Variants in ZNF736 observed in about 807,000 individuals in gnomAD.
ZNF736 encodes KRAB-containing zinc-finger repressor protein.
A neutral mutation model predicts 11.7 loss-of-function variants in ZNF736; 6 were observed. That is an observed-to-expected ratio of 0.51 (90% confidence interval 0.28 to 1.01). The LOEUF (loss-of-function observed/expected upper bound fraction) is 1.01, where lower values mean the gene tolerates loss of function less well. Ranked by LOEUF, ZNF736 falls within the 50% of genes least tolerant of loss-of-function variation. ZNF736 has a pLI of 0.09. For synonymous variants in ZNF736, 139 were observed against 164.7 expected (o/e 0.84, Z 1.19); for missense variants, 444 against 496.0 (o/e 0.90, Z 1.00).
At position 64,353,991 on chromosome 7, in the gene ZNF736, T is replaced by C. The variant is rs551848458; in HGVS notation, c.*4844T>C. The C allele has an allele frequency of 1.3e-5, 2 of 152,330 alleles. No homozygotes were observed. The highest frequency in any genetic ancestry group is 3.9e-4 in the East Asian group (2 of 5,182). 9.4% of individuals were successfully genotyped at this position (152,330 alleles called of 1,614,324 possible). A position where few individuals can be genotyped will look rare whatever the true frequency, so the allele number is the denominator to read the frequency against. ...ACTTATCCCATCTTACCCAAGGTTG[T>C]AGGTAACAATATACTATTGGGTGAC... On this transcript the variant is annotated 3_prime_UTR_variant, in exon 4 of 4. Coordinates refer to ENST00000423484, the MANE Select transcript of ZNF736 (RefSeq NM_001170905.3).
At position 64,354,007 on chromosome 7, in the gene ZNF736, A is replaced by G. The variant is rs898366913; in HGVS notation, c.*4860A>G. On this transcript the variant is annotated 3_prime_UTR_variant, in exon 4 of 4. Transcript: ENST00000423484. Reference sequence around the variant, plus strand: ...CCAAGGTTGTAGGTAACAATATACTATTGGGTGACAGTGGACTAACATCTC... The same window carrying G: ...CCAAGGTTGTAGGTAACAATATACTGTTGGGTGACAGTGGACTAACATCTC... The G allele has an allele frequency of 2.0e-5, 3 of 152,182 alleles. No homozygotes were observed. Among genetic ancestry groups the G allele is most frequent in the Admixed American group, 6.5e-5 (1 of 15,280 alleles). 9.4% of individuals were successfully genotyped at this position (152,182 alleles called of 1,614,324 possible).
At chr7:64,332,021 C>T (rs749239020) in intron 1 of ZNF736, among the ~76,000 whole-genome samples, 37 of 150,906 alleles carry the variant, frequency 2.5e-4, no homozygotes, top group Admixed American at 2.3e-3. Flanking sequence ...GAGTTTTGCT[C>T]ATGCTTCAAA....
At chr7:64,333,301 A>G (rs529513562) in intron 1 of ZNF736, among the ~76,000 whole-genome samples, 69 of 152,292 alleles carry the variant, frequency 4.5e-4, no homozygotes, top group African/African-American at 1.6e-3. Context: ...TTTTCCTTAT[A>G]TACCAGAGCC....
chr7:64,343,958 T>TTA lies in ZNF736; in HGVS notation c.227-4131_227-4130insAT, dbSNP rs201100825. 6.0e-3 allele frequency among the ~76,000 whole-genome samples: 912 copies of TTA among 152,032 alleles called. 13 individuals are homozygous for TTA. Among genetic ancestry groups the TTA allele is most frequent in the African/African-American group, 0.02 (844 of 41,398 alleles). ...TTTTATGACTTGTATATTTGCTTTT[T>TTA]TTTTTTTTATTTTTTTGTTAGTAGT... On this transcript the variant is annotated intron_variant, in intron 3 of 3. Coordinates refer to ENST00000423484, the MANE Select transcript of ZNF736 (RefSeq NM_001170905.3).
In ZNF736 at chr7:64,349,220, T is replaced by C; in HGVS notation, c.*73T>C. 8.1e-7 allele frequency: 1 copy of C among 1,239,006 alleles called. No individual in the cohort carries two copies. Among genetic ancestry groups the C allele is most frequent in the Non-Finnish European group, 1.1e-6 (1 of 917,082 alleles). 76.8% of individuals were successfully genotyped at this position (1,239,006 alleles called of 1,614,324 possible). A position where few individuals can be genotyped will look rare whatever the true frequency, so the allele number is the denominator to read the frequency against. ...GAAATTTAATACTGAACAAATGCAG[T>C]ATAAATGTAATGACAGTGGAAGAAC... On this transcript the variant is annotated 3_prime_UTR_variant, in exon 4 of 4. Transcript: ENST00000423484.
At chr7:64,342,974 C>T (rs950116215) in intron 3 of ZNF736, among the ~76,000 whole-genome samples, 1 of 151,834 alleles carries the variant, frequency 6.6e-6, no homozygotes, top group African/African-American at 2.4e-5. Flanking sequence ...ACATTTTGTG[C>T]AAAAATAGCA....
In ZNF736 at chr7:64,354,662, A is replaced by G. The variant is rs181732159; in HGVS notation, c.*5515A>G. ...CAGAGATTATGAAAGTGACTTTGAT[A>G]AAATTTAATGGTGTTCACAAAATAA... On this transcript the variant is annotated 3_prime_UTR_variant, in exon 4 of 4. Transcript: ENST00000423484. 1.2e-4 allele frequency: 19 copies of G among 152,336 alleles called. No individual in the cohort carries two copies. 9.4% of individuals were successfully genotyped at this position (152,336 alleles called of 1,614,324 possible).
rs1181086852 is a variant in ZNF736 at position 64,352,219 on chromosome 7, G to A, written c.*3072G>A. The A allele has an allele frequency of 6.6e-6, 1 of 152,224 alleles. No individual in the cohort carries two copies. Among genetic ancestry groups the A allele is most frequent in the South Asian group, 2.1e-4 (1 of 4,822 alleles). The allele number at this position is 152,224 out of a possible 1,614,324, so 9.4% of individuals were successfully genotyped here. A position where few individuals can be genotyped will look rare whatever the true frequency, so the allele number is the denominator to read the frequency against. On this transcript the variant is annotated 3_prime_UTR_variant, in exon 4 of 4. Transcript: ENST00000423484. The stretch of plus-strand genomic sequence containing the variant: ...TCCACTACAGTTTCTAGTCACCTCA[G>A]ATTTTCCAGTACTGGAAGTTATCAC...
intron 1 of ZNF736, among the ~76,000 whole-genome samples, chr7:64,331,655 G>A (rs1337671257): frequency 6.6e-6 from 1 of 152,212 alleles, no homozygotes; most frequent in Non-Finnish European, 1.5e-5. Context: ...CAGCCATGTT[G>A]TTTGAATTAA....
chr7:64,324,921 A>G (rs1789062305), intron 1 of ZNF736, among the ~76,000 whole-genome samples: 1 of 152,246 alleles, frequency 6.6e-6, no homozygotes, highest in East Asian at 1.9e-4. Context: ...TCTGGGTAAT[A>G]TGACAGGCAG....
intron 1 of ZNF736, among the ~76,000 whole-genome samples, chr7:64,319,980 A>G (rs1788981507): frequency 6.6e-6 from 1 of 152,182 alleles, no homozygotes; most frequent in Admixed American, 6.5e-5. Context: ...ACCACAGTAT[A>G]TGGTTTTATT....
intron 1 of ZNF736, among the ~76,000 whole-genome samples, chr7:64,334,397 C>T (rs574555436): frequency 2.2e-4 from 34 of 151,960 alleles, no homozygotes; most frequent in Non-Finnish European, 3.7e-4. Flanking sequence ...TATATGCATC[C>T]GACAAAGGGC....
chr7:64,336,511 T>A, intron 2 of ZNF736, 126 bp downstream of exon 2: 1 of 1,018,902 alleles, frequency 9.8e-7, no homozygotes, highest in South Asian at 2.1e-5. Context: ...AAAAATTGGG[T>A]ATCTGTTGAG....
intron 3 of ZNF736, among the ~76,000 whole-genome samples, chr7:64,340,697 A>G (rs1243954643): frequency 6.6e-6 from 1 of 152,180 alleles, no homozygotes; most frequent in South Asian, 2.1e-4. Flanking sequence ...GGTGTGAACC[A>G]CCATGTCTGT....
intron 1 of ZNF736, among the ~76,000 whole-genome samples, chr7:64,322,933 TA>T (rs1366119984): frequency 6.6e-6 from 1 of 152,212 alleles, no homozygotes; most frequent in Non-Finnish European, 1.5e-5. Context: ...CACTCTCTAT[TA>T]CTTAATTACT....
At position 64,349,246 on chromosome 7, in the gene ZNF736, AT is replaced by A; in HGVS notation, c.*102del. The A allele has an allele frequency of 9.0e-7, 1 of 1,107,384 alleles. No individual in the cohort carries two copies. Among genetic ancestry groups the A allele is most frequent in the Non-Finnish European group, 1.2e-6 (1 of 802,138 alleles). 68.6% of individuals were successfully genotyped at this position (1,107,384 alleles called of 1,614,324 possible). ...ATAAATGTAATGACAGTGGAAGAAC[AT>A]TTATCATCTTAGAGGGTCTCTAAGA... On this transcript the variant is annotated 3_prime_UTR_variant, in exon 4 of 4. Transcript: ENST00000423484.
At chr7:64,327,551 T>C (rs1789099428) in intron 1 of ZNF736, among the ~76,000 whole-genome samples, 1 of 152,146 alleles carries the variant, frequency 6.6e-6, no homozygotes, top group South Asian at 2.1e-4. Flanking sequence ...TATTAATAAA[T>C]AAAGACTTAC....
At chr7:64,322,154 C>T (rs1330959335) in intron 1 of ZNF736, among the ~76,000 whole-genome samples, 1 of 151,848 alleles carries the variant, frequency 6.6e-6, no homozygotes, top group Non-Finnish European at 1.5e-5. Context: ...ATAGTGGCTA[C>T]ACCATTTTAC....
chr7:64,343,632 G>T (rs1789369162), intron 3 of ZNF736, among the ~76,000 whole-genome samples: 1 of 152,112 alleles, frequency 6.6e-6, no homozygotes, highest in African/African-American at 2.4e-5. Flanking sequence ...TAAAATGCAT[G>T]GCTATCTAGA....
Sources: allele counts gnomAD v4.1 joint callset (sites outside exome capture counted in the v4.1 genomes callset), GRCh38; gene constraint gnomAD v4.1.1; transcripts MANE v1.5; gene names NCBI Gene and HGNC (gene_info 2026-07-23, HGNC 2026-07-21).